BTBD9: variants seen among roughly 807,000 people sequenced by gnomAD.
The protein encoded by BTBD9 is BTB/POZ domain-containing protein 9.
BTBD9 carries 49 observed loss-of-function variants against 64.3 expected under a neutral mutation model. The observed-to-expected ratio is 0.76, with a 90% CI of 0.61 to 0.97. The LOEUF is 0.97. BTBD9 is among the 50% of genes least tolerant of loss of function. The probability of loss-of-function intolerance (pLI) is 0.00; values close to 1 mark genes in which losing one functional copy is unlikely to be tolerated. For missense variants in BTBD9, 598 were observed against 762.1 expected (o/e 0.78, Z 2.53); for synonymous variants, 260 against 274.7 (o/e 0.95, Z 0.53).
intron 9 of BTBD9, among the ~76,000 whole-genome samples, chr6:38,245,142 A>G (rs1241639110): frequency 2.0e-5 from 3 of 152,238 alleles, no homozygotes; most frequent in Non-Finnish European, 2.9e-5. Flanking sequence ...GGCTACTACT[A>G]TGGATCAAAG....
chr6:38,405,347 C>G lies in BTBD9; in HGVS notation c.1155-60254G>C, dbSNP rs191566236. On this transcript the variant is annotated intron_variant, in intron 6 of 10. Coordinates refer to ENST00000481247, the MANE Select transcript of BTBD9 (RefSeq NM_001099272.2). ...TTGGACAGTCATTGTAGGGCTCCTGCCAACTTCTGGTTTCTTGCCATAGAG... is the reference window on the plus strand; with the variant it reads ...TTGGACAGTCATTGTAGGGCTCCTGGCAACTTCTGGTTTCTTGCCATAGAG... Among the ~76,000 whole-genome samples the G allele has an allele frequency of 7.2e-4, 109 of 152,234 alleles. 4 individuals are homozygous for G. The South Asian group carries it at 0.011, about 16-fold the overall frequency.
intron 6 of BTBD9, among the ~76,000 whole-genome samples, chr6:38,425,697 C>G (rs1768112070): frequency 5.3e-5 from 8 of 150,222 alleles, no homozygotes; most frequent in Admixed American, 5.3e-4. Context: ...CACTTGAGCA[C>G]AGGAGTTTGA....
At chr6:38,301,402 T>C (rs558572770) in intron 7 of BTBD9, among the ~76,000 whole-genome samples, 2 of 152,342 alleles carry the variant, frequency 1.3e-5, no homozygotes, top group South Asian at 4.1e-4. Context: ...ATTCCCTCTT[T>C]TTCTGTTGAT....
chr6:38,203,789 A>G (rs901222293), intron 9 of BTBD9, among the ~76,000 whole-genome samples: 4 of 152,072 alleles, frequency 2.6e-5, no homozygotes, highest in Admixed American at 6.5e-5. Flanking sequence ...AGGGGGGTGA[A>G]TAGGTAGGAA....
At chr6:38,294,699 G>A (rs2127559387) in intron 7 of BTBD9, among the ~76,000 whole-genome samples, 1 of 152,184 alleles carries the variant, frequency 6.6e-6, no homozygotes, top group South Asian at 2.1e-4. Flanking sequence ...AATACCTAAT[G>A]TAGATGATGG....
intron 8 of BTBD9, among the ~76,000 whole-genome samples, chr6:38,268,862 T>G (rs557484986): frequency 6.6e-6 from 1 of 152,348 alleles, no homozygotes; most frequent in South Asian, 2.1e-4. Context: ...CTTGGCGAAC[T>G]TACTACTGCC....
intron 9 of BTBD9, among the ~76,000 whole-genome samples, chr6:38,239,884 A>C (rs1763934745): frequency 6.6e-6 from 1 of 152,240 alleles, no homozygotes; most frequent in Admixed American, 6.5e-5. Context: ...CAGAAACTGC[A>C]AGTGCTCATC....
chr6:38,237,954 A>G (rs571515410), intron 9 of BTBD9, among the ~76,000 whole-genome samples: 1 of 152,310 alleles, frequency 6.6e-6, no homozygotes, highest in Admixed American at 6.5e-5. Context: ...CCTGGGCAAT[A>G]AAGAGAGTCC....
intron 9 of BTBD9, among the ~76,000 whole-genome samples, chr6:38,202,248 C>A (rs1762492051): frequency 6.6e-6 from 1 of 151,814 alleles, no homozygotes; most frequent in East Asian, 1.9e-4. Context: ...CCACACCCAG[C>A]TAATTTTTTT....
chr6:38,440,664 T>C (rs1768984977), intron 6 of BTBD9, among the ~76,000 whole-genome samples: 1 of 152,238 alleles, frequency 6.6e-6, no homozygotes, highest in African/African-American at 2.4e-5. Flanking sequence ...ATGTTTAGTG[T>C]ATATTATAGT....
intron 6 of BTBD9, among the ~76,000 whole-genome samples, chr6:38,546,660 TTTTG>T (rs949466908): frequency 3.9e-5 from 6 of 152,144 alleles, no homozygotes; most frequent in Admixed American, 3.3e-4. Context: ...TACGATACTG[TTTTG>T]TTTGTTTGTT....
chr6:38,246,881 C>T (rs1404774583), intron 9 of BTBD9, among the ~76,000 whole-genome samples: 2 of 152,150 alleles, frequency 1.3e-5, no homozygotes, highest in African/African-American at 4.8e-5. Flanking sequence ...CTTCAATCTT[C>T]TTGGAAACTA....
intron 9 of BTBD9, among the ~76,000 whole-genome samples, chr6:38,247,895 G>A (rs140192830): frequency 4.1e-4 from 63 of 151,982 alleles, no homozygotes; most frequent in Non-Finnish European, 6.8e-4. Flanking sequence ...ATAATGGCAA[G>A]GACAAGCATC....
intron 8 of BTBD9, among the ~76,000 whole-genome samples, chr6:38,273,556 T>G (rs1765265841): frequency 1.3e-5 from 2 of 152,180 alleles, no homozygotes; most frequent in African/African-American, 2.4e-5. Context: ...AATTTTCCAT[T>G]TAATATCATG....
chr6:38,322,329 C>T (rs961590003), intron 7 of BTBD9, among the ~76,000 whole-genome samples: 4 of 152,158 alleles, frequency 2.6e-5, no homozygotes, highest in Non-Finnish European at 5.9e-5. Flanking sequence ...ACTAATGTGA[C>T]TATTAGTCAT....
intron 10 of BTBD9, among the ~76,000 whole-genome samples, chr6:38,186,969 G>A (rs538266808): frequency 8.5e-5 from 13 of 152,312 alleles, no homozygotes; most frequent in South Asian, 8.3e-4. Context: ...AGAAACAGGC[G>A]TAGCTTCTGT....
intron 6 of BTBD9, among the ~76,000 whole-genome samples, chr6:38,548,687 T>C (rs1380509753): frequency 1.3e-5 from 2 of 152,218 alleles, no homozygotes; most frequent in Admixed American, 1.3e-4. Context: ...AACAGTGTAC[T>C]AAGATGTTTA....
chr6:38,215,499 C>T (rs2127502464), intron 9 of BTBD9, among the ~76,000 whole-genome samples: 1 of 152,240 alleles, frequency 6.6e-6, no homozygotes, highest in South Asian at 2.1e-4. Context: ...TAATGAAGGC[C>T]CTGTTAGCGC....
chr6:38,305,931 G>A (rs1762608797), intron 7 of BTBD9, among the ~76,000 whole-genome samples: 2 of 152,252 alleles, frequency 1.3e-5, no homozygotes, highest in Admixed American at 6.5e-5. Flanking sequence ...TTTCAGCAGG[G>A]AATAATTGTG....
Sources: allele counts gnomAD v4.1 joint callset (sites outside exome capture counted in the v4.1 genomes callset), GRCh38; gene constraint gnomAD v4.1.1; transcripts MANE v1.5; gene names NCBI Gene and HGNC (gene_info 2026-07-23, HGNC 2026-07-21).